The following BTF3L4 variants were observed in gnomAD, a reference collection of about 807,000 sequenced individuals.
The protein encoded by BTF3L4 is basic transcription factor 3 like 4, also known as transcription factor BTF3 homolog 4.
A neutral mutation model predicts 16.8 loss-of-function variants in BTF3L4; 6 were observed. The ratio of observed to expected loss-of-function variants is 0.36; its 90% CI spans 0.20 to 0.71. The LOEUF is 0.71. Ranked by LOEUF, BTF3L4 falls within the 30% of genes least tolerant of loss-of-function variation. The pLI is 0.58. For missense variants in BTF3L4, 92 were observed against 186.9 expected, an observed-to-expected ratio of 0.49 and a Z score of 2.96; for synonymous variants, 39 against 59.8, an observed-to-expected ratio of 0.65 and a Z score of 1.60.
At chr1:52,083,636 T>A in intron 4 of BTF3L4, 95 bp downstream of exon 4, 1 of 968,472 alleles carries the variant, frequency 1.0e-6, no homozygotes, top group Non-Finnish European at 1.6e-6. Flanking sequence ...GATTTGCCTG[T>A]ATGTAATTAT....
At chr1:52,085,013 C>CTTTTTTT (rs764763479) in intron 4 of BTF3L4, among the ~76,000 whole-genome samples, 5 of 58,512 alleles carry the variant, frequency 8.5e-5, no homozygotes, top group African/African-American at 2.7e-4. Context: ...TGAAAAAAAT[C>CTTTTTTT]TTTTTTTTTT....
chr1:52,080,662 T>G (rs1440230401), intron 3 of BTF3L4, among the ~76,000 whole-genome samples: 1 of 150,428 alleles, frequency 6.6e-6, no homozygotes, highest in Non-Finnish European at 1.5e-5. Context: ...GCCTCCTGAG[T>G]AGCTGGGGTT....
intron 1 of BTF3L4, among the ~76,000 whole-genome samples, chr1:52,059,079 C>T (rs759238995): frequency 2.0e-5 from 3 of 151,762 alleles, no homozygotes; most frequent in Admixed American, 6.6e-5. Flanking sequence ...TCTCTGCCCC[C>T]CCCCAACATT....
chr1:52,063,504 A>T (rs572421256), intron 2 of BTF3L4, among the ~76,000 whole-genome samples: 1 of 152,140 alleles, frequency 6.6e-6, no homozygotes, highest in Non-Finnish European at 1.5e-5. Context: ...CCTTACCTCT[A>T]TAAGGCTGAT....
At chr1:52,083,913 G>A (rs1643946284) in intron 4 of BTF3L4, among the ~76,000 whole-genome samples, 2 of 151,706 alleles carry the variant, frequency 1.3e-5, no homozygotes, top group Admixed American at 6.6e-5. Flanking sequence ...CCAGCTACTC[G>A]GGAGGCTGAG....
At chr1:52,079,609 C>T (rs1205989093) in intron 3 of BTF3L4, among the ~76,000 whole-genome samples, 4 of 152,164 alleles carry the variant, frequency 2.6e-5, no homozygotes, top group Admixed American at 6.6e-5. Context: ...ATATTTCAAA[C>T]TAGAAAGACC....
chr1:52,072,908 A>T (rs2124430584), intron 3 of BTF3L4, among the ~76,000 whole-genome samples: 1 of 152,324 alleles, frequency 6.6e-6, no homozygotes, highest in Non-Finnish European at 1.5e-5. Context: ...AAATACAAAA[A>T]TTAGCCACGT....
intron 3 of BTF3L4, among the ~76,000 whole-genome samples, chr1:52,071,701 T>A (rs1480939725): frequency 6.6e-6 from 1 of 152,182 alleles, no homozygotes; most frequent in Non-Finnish European, 1.5e-5. Flanking sequence ...CTCTTCCTGG[T>A]TCTTGTTTTT....
At chr1:52,085,101 A>G (rs949693144) in intron 4 of BTF3L4, among the ~76,000 whole-genome samples, 6 of 136,006 alleles carry the variant, frequency 4.4e-5, no homozygotes, top group African/African-American at 8.4e-5. Flanking sequence ...GCTCACTGCA[A>G]CCTCCACCTG....
At chr1:52,074,068 G>A (rs1686868131) in intron 3 of BTF3L4, among the ~76,000 whole-genome samples, 1 of 152,086 alleles carries the variant, frequency 6.6e-6, no homozygotes, top group African/African-American at 2.4e-5. Flanking sequence ...CAGAGGGTGA[G>A]GCAGGAGGAT....
intron 3 of BTF3L4, among the ~76,000 whole-genome samples, chr1:52,081,663 A>G (rs776822661): frequency 2.0e-5 from 3 of 152,250 alleles, no homozygotes; most frequent in Non-Finnish European, 2.9e-5. Context: ...TGAAGTTAAC[A>G]TAACTCACAG....
At chr1:52,058,288 A>G (rs1200616304) in intron 1 of BTF3L4, among the ~76,000 whole-genome samples, 1 of 152,262 alleles carries the variant, frequency 6.6e-6, no homozygotes, top group Non-Finnish European at 1.5e-5. Flanking sequence ...AGCGCTGAGC[A>G]GAGTGAAGAA....
At chr1:52,084,498 A>G (rs368584304) in intron 4 of BTF3L4, among the ~76,000 whole-genome samples, 3 of 151,612 alleles carry the variant, frequency 2.0e-5, no homozygotes, top group African/African-American at 7.3e-5. Context: ...CAATCAGAAA[A>G]TACTGTTATA....
intron 3 of BTF3L4, among the ~76,000 whole-genome samples, chr1:52,067,558 A>G (rs1686687023): frequency 6.6e-6 from 1 of 152,154 alleles, no homozygotes; most frequent in Non-Finnish European, 1.5e-5. Flanking sequence ...ATGGACCTCA[A>G]ATATTTTAGA....
At chr1:52,060,480 A>G (rs908577647) in intron 2 of BTF3L4, 6 of 1,270,586 alleles carry the variant, frequency 4.7e-6, no homozygotes, top group Middle Eastern at 2.2e-4. Flanking sequence ...TATGAATATC[A>G]GCTTTCTTAT....
chr1:52,080,648 C>T (rs1297592728), intron 3 of BTF3L4, among the ~76,000 whole-genome samples: 2 of 148,500 alleles, frequency 1.3e-5, no homozygotes, highest in East Asian at 4.0e-4. Context: ...ATTCTCCTGC[C>T]TCAGCCTCCT....
intron 3 of BTF3L4, among the ~76,000 whole-genome samples, chr1:52,080,537 T>C (rs1396693331): frequency 7.7e-6 from 1 of 129,596 alleles, no homozygotes; most frequent in Non-Finnish European, 1.6e-5. Flanking sequence ...TTTTTTTTTT[T>C]TTTTTTTTTT....
chr1:52,058,962 T>C (rs570342305), intron 1 of BTF3L4, among the ~76,000 whole-genome samples: 1 of 152,316 alleles, frequency 6.6e-6, no homozygotes, highest in East Asian at 1.9e-4. Context: ...AACTTAAGAA[T>C]GTTTTTTTCT....
intron 4 of BTF3L4, among the ~76,000 whole-genome samples, chr1:52,083,755 C>T (rs1341563754): frequency 6.6e-6 from 1 of 152,094 alleles, no homozygotes; most frequent in African/African-American, 2.4e-5. Context: ...CGTGGTGGCT[C>T]ATGCCTGTAT....
Sources: allele counts gnomAD v4.1 joint callset (sites outside exome capture counted in the v4.1 genomes callset), GRCh38; gene constraint gnomAD v4.1.1; transcripts MANE v1.5; gene names NCBI Gene and HGNC (gene_info 2026-07-23, HGNC 2026-07-21).